Variants in AGBL1 observed in about 807,000 individuals in gnomAD.
AGBL1 encodes the protein AGBL carboxypeptidase 1.
AGBL1 carries 130 observed loss-of-function variants against 118.9 expected under a neutral mutation model. That is an observed-to-expected ratio of 1.09 (90% CI 0.95 to 1.26). AGBL1 has a LOEUF of 1.26. Ranked by LOEUF, AGBL1 falls within the 50% of genes most tolerant of loss-of-function variation. The pLI, the probability that AGBL1 is intolerant of heterozygous loss-of-function variation, is 0.00. For synonymous variants in AGBL1, 555 were observed against 478.9 expected (o/e 1.16, Z -2.08); for missense variants, 1,584 against 1,298.1 (o/e 1.22, Z -3.38).
chr15:86,739,923 T>C (rs940782007), intron 22 of AGBL1, among the ~76,000 whole-genome samples: 1 of 152,198 alleles, frequency 6.6e-6, no homozygotes, highest in African/African-American at 2.4e-5. Flanking sequence ...GAAATGTTTA[T>C]GGTTTTCTGA....
At chr15:86,951,719 G>A (rs535328767) in intron 23 of AGBL1, among the ~76,000 whole-genome samples, 57 of 152,148 alleles carry the variant, frequency 3.7e-4, no homozygotes, top group Non-Finnish European at 6.5e-4. Context: ...TCTGAAAATT[G>A]TAAAAATTTA....
At chr15:86,584,610 A>T (rs1280395169) in intron 21 of AGBL1, among the ~76,000 whole-genome samples, 1 of 152,106 alleles carries the variant, frequency 6.6e-6, no homozygotes, top group East Asian at 1.9e-4. Flanking sequence ...GAAGTCTGAT[A>T]ATGTGATTCC....
At chr15:87,012,951 C>T in intron 24 of AGBL1, among the ~76,000 whole-genome samples, 1 of 152,086 alleles carries the variant, frequency 6.6e-6, no homozygotes, top group East Asian at 1.9e-4. Context: ...TTGTCTTTGA[C>T]TTGGAATTTC....
At chr15:86,476,205 G>C (rs543283330) in intron 18 of AGBL1, among the ~76,000 whole-genome samples, 1 of 152,300 alleles carries the variant, frequency 6.6e-6, no homozygotes, top group South Asian at 2.1e-4. Context: ...ACATCATAAT[G>C]ACAGGATCAA....
intron 1 of AGBL1, among the ~76,000 whole-genome samples, chr15:86,124,434 T>C (rs148011369): frequency 2.8e-3 from 431 of 152,168 alleles, no homozygotes; most frequent in African/African-American, 9.8e-3. Context: ...TTGACAAATG[T>C]ATCATGCTAT....
intron 17 of AGBL1, among the ~76,000 whole-genome samples, chr15:86,302,205 A>C (rs541512185): frequency 7.6e-4 from 116 of 152,174 alleles, no homozygotes; most frequent in Non-Finnish European, 1.1e-3. Context: ...TAAAACCTTA[A>C]AGGTAGTTGA....
At chr15:86,270,101 A>G (rs1321004036) in intron 14 of AGBL1, 34 bp downstream of exon 14, 3 of 1,587,704 alleles carry the variant, frequency 1.9e-6, no homozygotes, top group Admixed American at 1.8e-5. Flanking sequence ...GCTTTCTGGA[A>G]CATGCCAGGA....
At chr15:86,234,010 A>G (rs771343620) in intron 6 of AGBL1, among the ~76,000 whole-genome samples, 1 of 152,166 alleles carries the variant, frequency 6.6e-6, no homozygotes, top group Non-Finnish European at 1.5e-5. Flanking sequence ...TTGGTCACAT[A>G]AGATATTGTT....
At chr15:86,141,228 G>C (rs952525952) in intron 1 of AGBL1, among the ~76,000 whole-genome samples, 6 of 152,218 alleles carry the variant, frequency 3.9e-5, no homozygotes, top group Admixed American at 1.3e-4. Flanking sequence ...AGATCCTTTA[G>C]AGTTTTTTCA....
chr15:86,277,511 G>A (rs1329861290), intron 15 of AGBL1, among the ~76,000 whole-genome samples: 1 of 152,096 alleles, frequency 6.6e-6, no homozygotes, highest in African/African-American at 2.4e-5. Context: ...GGTTTTGCCT[G>A]AATGAGGGAA....
chr15:86,443,156 C>T (rs748317881), intron 18 of AGBL1, among the ~76,000 whole-genome samples: 4 of 152,170 alleles, frequency 2.6e-5, no homozygotes, highest in African/African-American at 7.2e-5. Context: ...CTCCACTCAG[C>T]CCCTGTGGCC....
At position 86,987,902 on chromosome 15, in the gene AGBL1, T is replaced by A. The variant is rs183004908; in HGVS notation, c.3222-85T>A. On this transcript the variant is annotated intron_variant, in intron 23 of 24. Transcript: ENST00000441037. The stretch of plus-strand genomic sequence containing the variant: ...AGTTTGTTTTTCCCACTCAATAATA[T>A]GTTTTTAAAATCCATCTATAATAAT... 7.7e-4 allele frequency: 1,166 copies of A among 1,505,618 alleles called. 11 individuals carry two copies. In the African/African-American group the frequency reaches 0.013, roughly 17 times the overall value. 93.3% of individuals were successfully genotyped at this position (1,505,618 alleles called of 1,614,324 possible).
chr15:86,670,628 A>ACACACACACACACAC (rs59416251), intron 21 of AGBL1, among the ~76,000 whole-genome samples: 1 of 48,466 alleles, frequency 2.1e-5, no homozygotes, highest in Admixed American at 2.0e-4. Flanking sequence ...CACACACACA[A>ACACACACACACACAC]ACACGCTGTG....
intron 23 of AGBL1, among the ~76,000 whole-genome samples, chr15:86,958,659 A>G: frequency 6.6e-6 from 1 of 152,192 alleles, no homozygotes; most frequent in Non-Finnish European, 1.5e-5. Flanking sequence ...AGCTAAAGCA[A>G]TATATAATTT....
chr15:86,428,396 A>G (rs2081892823), intron 18 of AGBL1, among the ~76,000 whole-genome samples: 1 of 152,236 alleles, frequency 6.6e-6, no homozygotes, highest in South Asian at 2.1e-4. Context: ...ACTCCAGGGA[A>G]GGCAGATACA....
chr15:86,132,421 C>T (rs575283102), intron 1 of AGBL1, among the ~76,000 whole-genome samples: 2 of 152,270 alleles, frequency 1.3e-5, no homozygotes, highest in South Asian at 2.1e-4. Flanking sequence ...TCCTTGACGA[C>T]GGTGTGAGCC....
intron 5 of AGBL1, among the ~76,000 whole-genome samples, chr15:86,206,152 T>C (rs557034776): frequency 6.6e-6 from 1 of 152,224 alleles, no homozygotes; most frequent in Non-Finnish European, 1.5e-5. Context: ...TCATCCTTTT[T>C]TTATGGCTGC....
intron 23 of AGBL1, among the ~76,000 whole-genome samples, chr15:86,972,016 G>A (rs2081113671): frequency 6.6e-6 from 1 of 151,922 alleles, no homozygotes; most frequent in Non-Finnish European, 1.5e-5. Context: ...AGTTCCCTGA[G>A]GCTTCCCTAG....
intron 24 of AGBL1, among the ~76,000 whole-genome samples, chr15:87,005,213 T>C (rs2081485764): frequency 6.6e-6 from 1 of 152,222 alleles, no homozygotes; most frequent in African/African-American, 2.4e-5. Flanking sequence ...TTTCTCTGTC[T>C]TTCCTGAATT....
Sources: gnomAD v4.1 joint callset for allele counts (sites outside exome capture counted in the v4.1 genomes callset) on GRCh38, gnomAD v4.1.1 for gene constraint, MANE v1.5 for transcripts, NCBI Gene and HGNC (gene_info 2026-07-23, HGNC 2026-07-21) for gene names.